GPC6: variants seen among roughly 807,000 people sequenced by gnomAD.
GPC6 encodes the protein glypican 6.
A neutral mutation model predicts 55.2 loss-of-function variants in GPC6; 14 were observed. The observed-to-expected ratio is 0.25, with a 90% CI of 0.17 to 0.40. The LOEUF (loss-of-function observed/expected upper bound fraction) is 0.40. Ranked by LOEUF, GPC6 falls within the 10% of genes least tolerant of loss-of-function variation. The probability of loss-of-function intolerance (pLI) is 1.00; values close to 1 mark genes in which losing one functional copy is unlikely to be tolerated. For missense variants in GPC6, 641 were observed against 708.5 expected (o/e 0.90, Z 1.08); for synonymous variants, 278 against 259.6 (o/e 1.07, Z -0.68).
intron 1 of GPC6, among the ~76,000 whole-genome samples, chr13:93,430,977 G>A (rs531186530): frequency 6.6e-6 from 1 of 152,238 alleles, no homozygotes; most frequent in Admixed American, 6.6e-5. Flanking sequence ...ATTAGGCCTG[G>A]ATGTACCATT....
intron 6 of GPC6, among the ~76,000 whole-genome samples, chr13:94,323,090 T>C (rs1348168286): frequency 2.0e-5 from 3 of 152,126 alleles, no homozygotes; most frequent in African/African-American, 7.2e-5. Context: ...ATGACGGGAT[T>C]GCGAAAGAAG....
intron 3 of GPC6, among the ~76,000 whole-genome samples, chr13:94,024,573 C>A (rs1882821686): frequency 6.6e-6 from 1 of 152,076 alleles, no homozygotes; most frequent in Non-Finnish European, 1.5e-5. Context: ...TCTTCAACTG[C>A]CCTTTATTTG....
chr13:93,478,183 G>A (rs944656534), intron 1 of GPC6, among the ~76,000 whole-genome samples: 34 of 152,152 alleles, frequency 2.2e-4, no homozygotes, highest in African/African-American at 7.7e-4. Context: ...GCCCAGGCTC[G>A]GTGTTTTAAT....
At chr13:94,217,192 C>G (rs1373630175) in intron 4 of GPC6, among the ~76,000 whole-genome samples, 3 of 152,260 alleles carry the variant, frequency 2.0e-5, no homozygotes, top group Non-Finnish European at 4.4e-5. Flanking sequence ...AGTGGGAAAC[C>G]AATGTGGTCC....
chr13:94,045,036 A>G (rs1361331896), intron 4 of GPC6, among the ~76,000 whole-genome samples: 1 of 151,860 alleles, frequency 6.6e-6, no homozygotes, highest in African/African-American at 2.4e-5. Context: ...ACCACAGCAG[A>G]TAAGTATAGG....
At chr13:93,561,403 C>CTATATATATATATATATATATATATATA (rs1566424669) in intron 2 of GPC6, among the ~76,000 whole-genome samples, 2 of 55,006 alleles carry the variant, frequency 3.6e-5, no homozygotes, top group African/African-American at 9.5e-5. Context: ...ATATCCCTAT[C>CTATATATATATATATATATATATATATA]GATATATATA....
At chr13:93,655,098 C>A (rs1880604189) in intron 2 of GPC6, among the ~76,000 whole-genome samples, 1 of 151,138 alleles carries the variant, frequency 6.6e-6, no homozygotes, top group Non-Finnish European at 1.5e-5. Context: ...ATCCACCCGC[C>A]TCGGCCTCCT....
chr13:93,529,616 A>G (rs1881785673), intron 1 of GPC6, among the ~76,000 whole-genome samples: 1 of 144,518 alleles, frequency 6.9e-6, no homozygotes, highest in South Asian at 2.2e-4. Context: ...CCCTGGTTTC[A>G]AGCAATTCTC....
chr13:94,208,184 C>A (rs779677607), intron 4 of GPC6, among the ~76,000 whole-genome samples: 1 of 152,254 alleles, frequency 6.6e-6, no homozygotes, highest in Middle Eastern at 3.4e-3. Flanking sequence ...ATCATTCTTG[C>A]GTATACAAAT....
chr13:94,251,845 A>G (rs1306587614), intron 4 of GPC6, among the ~76,000 whole-genome samples: 1 of 152,012 alleles, frequency 6.6e-6, no homozygotes, highest in Non-Finnish European at 1.5e-5. Flanking sequence ...GATTTGGTGT[A>G]ACAGGCTCTT....
At chr13:93,496,263 T>A (rs1164686838) in intron 1 of GPC6, among the ~76,000 whole-genome samples, 1 of 152,166 alleles carries the variant, frequency 6.6e-6, no homozygotes, top group African/African-American at 2.4e-5. Context: ...AAGCACAATA[T>A]TCGGGTGGGA....
chr13:94,330,804 A>G (rs75812996), intron 6 of GPC6, among the ~76,000 whole-genome samples: 3 of 152,140 alleles, frequency 2.0e-5, no homozygotes, highest in South Asian at 2.1e-4. Flanking sequence ...ATATTCACCT[A>G]TATATCTCTT....
chr13:93,700,789 C>T (rs1882640604), intron 2 of GPC6, among the ~76,000 whole-genome samples: 1 of 152,060 alleles, frequency 6.6e-6, no homozygotes, highest in African/African-American at 2.4e-5. Flanking sequence ...GCAAGGATAT[C>T]ATCAAGAGAC....
chr13:94,269,582 A>G (rs1398607111), intron 4 of GPC6, among the ~76,000 whole-genome samples: 1 of 152,172 alleles, frequency 6.6e-6, no homozygotes, highest in Non-Finnish European at 1.5e-5. Flanking sequence ...CCCAACCCAC[A>G]CAGCTTGTGT....
At chr13:93,476,688 G>A (rs910770764) in intron 1 of GPC6, among the ~76,000 whole-genome samples, 5 of 152,122 alleles carry the variant, frequency 3.3e-5, no homozygotes, top group African/African-American at 1.2e-4. Flanking sequence ...TTCAAGGCAT[G>A]TTGGTTACTG....
intron 1 of GPC6, among the ~76,000 whole-genome samples, chr13:93,509,737 A>G (rs1160931294): frequency 6.6e-6 from 1 of 152,230 alleles, no homozygotes; most frequent in African/African-American, 2.4e-5. Context: ...GAACAGCAAA[A>G]GTAGTAAAAG....
chr13:94,229,955 C>G (rs1448075919), intron 4 of GPC6, among the ~76,000 whole-genome samples: 1 of 152,108 alleles, frequency 6.6e-6, no homozygotes, highest in Non-Finnish European at 1.5e-5. Flanking sequence ...GCCCAAGTTA[C>G]TATCAGTGGG....
chr13:93,753,910 G>C (rs1267003689), intron 2 of GPC6, among the ~76,000 whole-genome samples: 1 of 152,066 alleles, frequency 6.6e-6, no homozygotes, highest in Non-Finnish European at 1.5e-5. Flanking sequence ...GCTTTCCAAA[G>C]CACTGGGACC....
chr13:93,481,754 T>C (rs534794166), intron 1 of GPC6, among the ~76,000 whole-genome samples: 1 of 152,296 alleles, frequency 6.6e-6, no homozygotes, highest in South Asian at 2.1e-4. Flanking sequence ...GATTTATTTC[T>C]GGACTCTCAA....
Sources: allele counts gnomAD v4.1 joint callset (sites outside exome capture counted in the v4.1 genomes callset), GRCh38; gene constraint gnomAD v4.1.1; transcripts MANE v1.5; gene names NCBI Gene and HGNC (gene_info 2026-07-23, HGNC 2026-07-21).